DOK7: variants seen among roughly 807,000 people sequenced by gnomAD.
DOK7 encodes protein Dok-7.
In DOK7, 32 loss-of-function variants were observed where a neutral mutation model predicts 30.7. The observed-to-expected ratio is 1.04, with a 90% CI of 0.79 to 1.40. DOK7 has a LOEUF of 1.40. Among genes scored for constraint, DOK7 ranks in the 40% most tolerant of loss-of-function variants. The pLI, the probability that DOK7 is intolerant of heterozygous loss-of-function variation, is 0.00. For missense variants in DOK7, 1,007 were observed against 699.2 expected (o/e 1.44, Z -4.97); for synonymous variants, 447 against 324.1 (o/e 1.38, Z -4.07).
chr4:3,471,979 A>C (rs1413629997), intron 2 of DOK7, among the ~76,000 whole-genome samples: 3 of 152,156 alleles, frequency 2.0e-5, no homozygotes, highest in Non-Finnish European at 4.4e-5. Context: ...GCTGCGCCCA[A>C]GGGTCTACAC....
chr4:3,481,053 C>T (rs1477695510), intron 4 of DOK7, among the ~76,000 whole-genome samples: 2 of 151,548 alleles, frequency 1.3e-5, no homozygotes, highest in Non-Finnish European at 2.9e-5. Flanking sequence ...TCTTTGAGCA[C>T]GAATGGGTGT....
rs1553849942 is a variant in DOK7 at position 3,492,723 on chromosome 4, C to CCCCGTCCTGCCCAGACCCCTGTA, written c.773-33_773-32insGTCCTGCCCAGACCCCTGTACCC. The CCCCGTCCTGCCCAGACCCCTGTA allele has an allele frequency of 7.9e-4, 510 of 648,404 alleles. 2 individuals are homozygous for CCCCGTCCTGCCCAGACCCCTGTA. In the African/African-American group the frequency reaches 0.012, roughly 15 times the overall value. 40.2% of individuals were successfully genotyped at this position (648,404 alleles called of 1,614,324 possible). A position where few individuals can be genotyped will look rare whatever the true frequency, so the allele number is the denominator to read the frequency against. On this transcript the variant is annotated intron_variant, in intron 6 of 6. Transcript: ENST00000340083. ...GCCACGTCCTGCCCAGACCCCTGTA[C>CCCCGTCCTGCCCAGACCCCTGTA]CCCCACAACTGCCTTGGCTTCCTGC...
At position 3,483,413 on chromosome 4, in the gene DOK7, G is replaced by GC. The variant is rs531332270; in HGVS notation, c.533-2123dup. ...TCGTGCGGTGTCCTGGGAGGCCATG[G>GC]CCCAAGACCTTGGCAGACCAGCATT... On this transcript the variant is annotated intron_variant, in intron 4 of 6. Coordinates refer to ENST00000340083, the MANE Select transcript of DOK7 (RefSeq NM_173660.5). 2.0e-4 allele frequency among the ~76,000 whole-genome samples: 31 copies of GC among 152,246 alleles called. 7 individuals are homozygous for GC. The highest frequency in any genetic ancestry group is 1.2e-3 in the South Asian group (6 of 4,812).
At chr4:3,501,047 A>C (rs995422459) in exon 8 of DOK7, 18 of 682,194 alleles carry the variant, frequency 2.6e-5, no homozygotes, top group African/African-American at 7.4e-5. Context: ...CTTCGGCCTG[A>C]AAGAGTTGCT....
rs1268560070 is a variant in DOK7 at position 3,490,088 on chromosome 4, TCATTCATTCCTTTCTTCACCCC to T, written c.772+306_772+327del. On this transcript the variant is annotated intron_variant, in intron 6 of 6. Coordinates refer to ENST00000340083, the MANE Select transcript of DOK7 (RefSeq NM_173660.5). Reference sequence around the variant, plus strand: ...TCCCCCCATTCCTTTCTTCACCCCCTCATTCATTCCTTTCTTCACCCCCATTCATTCCTTTTCTCCCTGCTCA... The same window carrying T: ...TCCCCCCATTCCTTTCTTCACCCCCTCATTCATTCCTTTTCTCCCTGCTCA... 6.2e-3 allele frequency among the ~76,000 whole-genome samples: 187 copies of T among 29,988 alleles called. 1 individual carries two copies. Among genetic ancestry groups the T allele is most frequent in the African/African-American group, 0.023 (113 of 4,896 alleles). 19.7% of individuals were successfully genotyped at this position (29,988 alleles called of 152,430 possible).
intron 6 of DOK7, among the ~76,000 whole-genome samples, chr4:3,491,886 G>A (rs755330720): frequency 1.3e-5 from 2 of 152,226 alleles, no homozygotes; most frequent in African/African-American, 4.8e-5. Flanking sequence ...TGGGTGACCT[G>A]TGTTCCCACG....
intron 2 of DOK7, among the ~76,000 whole-genome samples, 191 bp from the exon 3 acceptor site, chr4:3,473,215 C>T (rs1304884984): frequency 2.0e-5 from 3 of 152,258 alleles, no homozygotes; most frequent in Non-Finnish European, 2.9e-5. Context: ...CTCTTGCAGC[C>T]TGTGGGTCTT....
intron 2 of DOK7, among the ~76,000 whole-genome samples, chr4:3,464,314 G>A (rs1726147709): frequency 6.6e-6 from 1 of 152,210 alleles, no homozygotes; most frequent in Non-Finnish European, 1.5e-5. Flanking sequence ...GACTCCCAGG[G>A]AGGGTGTGGG....
chr4:3,463,497 TC>T lies in DOK7; in HGVS notation c.55-5del. On this transcript the variant is annotated splice_polypyrimidine_tract_variant and splice_region_variant and intron_variant, in intron 1 of 6. Transcript: ENST00000340083. ...GGGCGGCGGCTCACGCTCCCCCCTG[TC>T]CCCGCAGTGGAAGAGTAGGTGGCTG... 3.0e-6 allele frequency: 4 copies of T among 1,316,708 alleles called. No homozygotes were observed. In the South Asian group the frequency reaches 5.0e-5, roughly 17 times the overall value. The allele number at this position is 1,316,708 out of a possible 1,614,324, so 81.6% of individuals were successfully genotyped here.
In DOK7 at chr4:3,494,416, C is replaced by T. The variant is rs1728778307; in HGVS notation, c.*915C>T. 1.0e-6 allele frequency: 1 copy of T among 985,806 alleles called. No individual in the cohort carries two copies. The highest frequency in any genetic ancestry group is 1.2e-6 in the Non-Finnish European group (1 of 830,180). 61.1% of individuals were successfully genotyped at this position (985,806 alleles called of 1,614,324 possible). The stretch of plus-strand genomic sequence containing the variant: ...CCCTGTGAACACCTCTTTGTCCCTT[C>T]ACTGTCAGCTGTTTCTAAACCCAGA... On this transcript the variant is annotated 3_prime_UTR_variant, in exon 7 of 7. Coordinates refer to ENST00000340083, the MANE Select transcript of DOK7 (RefSeq NM_173660.5).
Position 3,493,258 on chromosome 4 carries a change from C to A in DOK7, c.1272C>A (p.Gly424=). The change falls in exon 7 of 7, where the codon GGC becomes GGA. Residue 424 remains glycine (G), a synonymous_variant. Coordinates refer to ENST00000340083, the MANE Select transcript of DOK7 (RefSeq NM_173660.5). ...GAGACCACAGCCCCCCCTCACAGGG[C>A]AGCCCCGGCAACAGTGCGGCCAGGG... ...APRDHSPPSQ[G]SPGNSAARDS... 1.2e-6 allele frequency: 2 copies of A among 1,611,716 alleles called. No individual in the cohort carries two copies. The highest frequency in any genetic ancestry group is 1.7e-6 in the Non-Finnish European group (2 of 1,179,554).
In DOK7 at chr4:3,476,470, C is replaced by A; in HGVS notation, c.460C>A (p.Leu154Met). 1 of 1,613,868 alleles carries A rather than the reference C, an allele frequency of 6.2e-7. No homozygotes were observed. ...IPPAVTGQWK[L>M]SDLRRYGAVP... is the part of the protein sequence containing the mutation. ...CCCGGCTGTCACGGGGCAGTGGAAG[C>A]TGTCTGACCTCCGGCGCTACGGGGC... Residue 154 changes from leucine (L) to methionine (M), a missense_variant, in exon 4 of 7, where the codon CTG becomes ATG. Coordinates refer to ENST00000340083, the MANE Select transcript of DOK7 (RefSeq NM_173660.5).
At chr4:3,494,814 G>C (rs1577187475), downstream of DOK7, among the ~76,000 whole-genome samples, 1 of 152,172 alleles carries the variant, frequency 6.6e-6, no homozygotes, top group African/African-American at 2.4e-5. Context: ...CTCAGGAGGG[G>C]GCTGGCTCTG....
chr4:3,485,889 C>T (rs186951979), intron 5 of DOK7, among the ~76,000 whole-genome samples: 169 of 152,274 alleles, frequency 1.1e-3, no homozygotes, highest in African/African-American at 3.7e-3. Context: ...TGCTCTCCCT[C>T]GGGGGTCCGA....
chr4:3,480,669 A>G (rs1190830406), intron 4 of DOK7, among the ~76,000 whole-genome samples: 1 of 152,222 alleles, frequency 6.6e-6, no homozygotes, highest in Non-Finnish European at 1.5e-5. Context: ...TGAACGCGGC[A>G]TCTGCCCAGC....
intron 2 of DOK7, among the ~76,000 whole-genome samples, chr4:3,466,815 G>C (rs1317657793): frequency 6.6e-6 from 1 of 152,328 alleles, no homozygotes; most frequent in East Asian, 1.9e-4. Flanking sequence ...GGCTGCCCTT[G>C]GTGATGTCTG....
chr4:3,492,978 G>C lies in DOK7; in HGVS notation c.992G>C (p.Gly331Ala). The C allele has an allele frequency of 1.3e-6, 2 of 1,554,036 alleles. No individual in the cohort carries two copies. Among genetic ancestry groups the C allele is most frequent in the Non-Finnish European group, 1.7e-6 (2 of 1,153,220 alleles). The change falls in exon 7 of 7, where the codon GGC (glycine) becomes GCC (alanine). Residue 331 changes from glycine (G) to alanine (A), a missense_variant. Coordinates refer to ENST00000340083, the MANE Select transcript of DOK7 (RefSeq NM_173660.5). Reference protein sequence around the residue: ...PLRPRQLQEVGRQSSSDSGIA... With the variant: ...PLRPRQLQEVARQSSSDSGIA... ...CGTCCGCGGCAGCTGCAGGAGGTTG[G>C]CCGCCAGAGCTCCTCGGACAGCGGC...
intron 4 of DOK7, among the ~76,000 whole-genome samples, chr4:3,479,733 G>T (rs1276099811): frequency 1.3e-5 from 2 of 152,248 alleles, no homozygotes; most frequent in Non-Finnish European, 2.9e-5. Flanking sequence ...GGTGGAGACA[G>T]GCCTGGCTGG....
Position 3,485,409 on chromosome 4 carries a change from T to C in DOK7, c.533-130T>C, listed in dbSNP as rs936561060. 4 of 1,279,604 alleles carry C rather than the reference T, an allele frequency of 3.1e-6. No homozygotes were observed. The African/African-American group carries it at 4.6e-5, about 15-fold the overall frequency. 79.3% of individuals were successfully genotyped at this position (1,279,604 alleles called of 1,614,324 possible). ...GGGGTGTCGGCTCTGGGCATCTGACTTCGTGGGGCCAGGCAGGGTGTCATT... is the reference window on the plus strand; with the variant it reads ...GGGGTGTCGGCTCTGGGCATCTGACCTCGTGGGGCCAGGCAGGGTGTCATT... On this transcript the variant is annotated intron_variant, in intron 4 of 6. Coordinates refer to ENST00000340083, the MANE Select transcript of DOK7 (RefSeq NM_173660.5).
Sources: gnomAD v4.1 joint callset for allele counts (sites outside exome capture counted in the v4.1 genomes callset) on GRCh38, gnomAD v4.1.1 for gene constraint, MANE v1.5 for transcripts, NCBI Gene and HGNC (gene_info 2026-07-23, HGNC 2026-07-21) for gene names.